SND1: variants seen among roughly 807,000 people sequenced by gnomAD.
SND1 encodes the protein staphylococcal nuclease domain-containing protein 1.
In SND1, 38 loss-of-function variants were observed where a neutral mutation model predicts 121.7. The observed-to-expected ratio is 0.31, with a 90% confidence interval of 0.24 to 0.41. The LOEUF (loss-of-function observed/expected upper bound fraction) is 0.41, where lower values mean the gene tolerates loss of function less well. Ranked by LOEUF, SND1 falls within the 10% of genes least tolerant of loss-of-function variation. SND1 has a pLI of 1.00. For synonymous variants in SND1, 401 were observed against 447.4 expected (o/e 0.90, Z 1.31); for missense variants, 868 against 1,184.6 (o/e 0.73, Z 3.92).
chr7:127,663,371 G>C (rs1795352695), intron 1 of SND1, among the ~76,000 whole-genome samples: 1 of 146,548 alleles, frequency 6.8e-6, no homozygotes, highest in Non-Finnish European at 1.5e-5. Context: ...AGGGCCTACT[G>C]TACTTCTTTT....
chr7:128,002,371 A>AAAAT, intron 16 of SND1, among the ~76,000 whole-genome samples: 1 of 152,352 alleles, frequency 6.6e-6, no homozygotes, highest in South Asian at 2.1e-4. Flanking sequence ...TCTGTGAAGT[A>AAAAT]AAATAACATA....
chr7:127,701,720 C>T (rs1269077089), intron 5 of SND1, among the ~76,000 whole-genome samples: 1 of 152,186 alleles, frequency 6.6e-6, no homozygotes, highest in East Asian at 1.9e-4. Flanking sequence ...CTATCCCGCT[C>T]TTCCTCCCGG....
At chr7:128,054,117 G>A (rs1793095749) in intron 16 of SND1, among the ~76,000 whole-genome samples, 1 of 152,240 alleles carries the variant, frequency 6.6e-6, no homozygotes, top group African/African-American at 2.4e-5. Context: ...CTGAGTGAAT[G>A]ACCTGCATGG....
chr7:128,011,630 A>G (rs1220408089), intron 16 of SND1, among the ~76,000 whole-genome samples: 2 of 152,174 alleles, frequency 1.3e-5, no homozygotes, highest in African/African-American at 4.8e-5. Flanking sequence ...TAGGAAAGCT[A>G]CTAATGCCTG....
At chr7:127,805,050 G>A (rs1349923847) in intron 10 of SND1, among the ~76,000 whole-genome samples, 1 of 152,064 alleles carries the variant, frequency 6.6e-6, no homozygotes, top group Non-Finnish European at 1.5e-5. Flanking sequence ...ATGATTGAGC[G>A]CCATCACCAA....
At chr7:127,986,837 T>C (rs950743320) in intron 15 of SND1, among the ~76,000 whole-genome samples, 1 of 152,264 alleles carries the variant, frequency 6.6e-6, no homozygotes, top group Non-Finnish European at 1.5e-5. Flanking sequence ...GGGATCTGTC[T>C]TTGTTCTGGC....
chr7:127,784,777 G>T (rs1040530761), intron 10 of SND1, among the ~76,000 whole-genome samples: 3 of 152,170 alleles, frequency 2.0e-5, no homozygotes, highest in African/African-American at 7.2e-5. Flanking sequence ...ATATAAAAAG[G>T]TTTTATTTAT....
chr7:127,902,634 G>A (rs1397844631), intron 13 of SND1, among the ~76,000 whole-genome samples: 2 of 152,164 alleles, frequency 1.3e-5, no homozygotes, highest in Non-Finnish European at 2.9e-5. Context: ...AATCGCCTTG[G>A]TTGCTGACCA....
chr7:127,984,834 C>T (rs1802348036), intron 15 of SND1, among the ~76,000 whole-genome samples: 1 of 152,150 alleles, frequency 6.6e-6, no homozygotes, highest in Admixed American at 6.5e-5. Context: ...GATCCTGGAA[C>T]CTGAGGTGAT....
At chr7:127,767,511 T>G (rs1797443493) in intron 10 of SND1, among the ~76,000 whole-genome samples, 1 of 152,244 alleles carries the variant, frequency 6.6e-6, no homozygotes, top group Non-Finnish European at 1.5e-5. Flanking sequence ...GGAGTCTGTT[T>G]TGATAATGAA....
At position 127,798,174 on chromosome 7, in the gene SND1, C is replaced by A. The variant is rs540789145; in HGVS notation, c.1153-9310C>A. 2.0e-4 allele frequency among the ~76,000 whole-genome samples: 30 copies of A among 152,282 alleles called. No individual in the cohort carries two copies. The Middle Eastern group carries it at 0.01, about 52-fold the overall frequency. ...GGTCAGGCTCTTTAAGGACATGAGG[C>A]CGCCTAAATTTGCTTTACTTCTTCC... On this transcript the variant is annotated intron_variant, in intron 10 of 23. Transcript: ENST00000354725.
intron 10 of SND1, among the ~76,000 whole-genome samples, chr7:127,734,500 C>T (rs1198714090): frequency 6.6e-6 from 1 of 152,136 alleles, no homozygotes; most frequent in Non-Finnish European, 1.5e-5. Flanking sequence ...CTCGGTAAGG[C>T]AGAGAAAAGG....
chr7:127,750,533 A>G (rs772963607), intron 10 of SND1, among the ~76,000 whole-genome samples: 8 of 152,234 alleles, frequency 5.3e-5, no homozygotes, highest in East Asian at 3.8e-4. Flanking sequence ...AATTTATTCA[A>G]TGAAACATAT....
intron 15 of SND1, among the ~76,000 whole-genome samples, chr7:127,943,684 A>T (rs1801265853): frequency 6.6e-6 from 1 of 152,166 alleles, no homozygotes; most frequent in African/African-American, 2.4e-5. Flanking sequence ...ACAGAACAGG[A>T]GGTGCCATTG....
chr7:127,981,004 A>G (rs909749881), intron 15 of SND1, among the ~76,000 whole-genome samples: 1 of 152,218 alleles, frequency 6.6e-6, no homozygotes, highest in Non-Finnish European at 1.5e-5. Context: ...ATAAAGTCCT[A>G]TTGCTTTAAA....
At chr7:127,960,188 G>A (rs1195993198) in intron 15 of SND1, among the ~76,000 whole-genome samples, 1 of 152,186 alleles carries the variant, frequency 6.6e-6, no homozygotes, top group African/African-American at 2.4e-5. Context: ...TGCTGTCACA[G>A]ACACCCTGTT....
In SND1 at chr7:128,083,336, G is replaced by A. The variant is rs148550455; in HGVS notation, c.2111-1388G>A. On this transcript the variant is annotated intron_variant, in intron 18 of 23. Coordinates refer to ENST00000354725, the MANE Select transcript of SND1 (RefSeq NM_014390.4). Reference sequence around the variant, plus strand: ...AGTTAGGGAGGAAGCTGTCTGTCAAGGCTTCTTAATCCCTGGAATTTCACT... The same window carrying A: ...AGTTAGGGAGGAAGCTGTCTGTCAAAGCTTCTTAATCCCTGGAATTTCACT... 1.6e-4 allele frequency among the ~76,000 whole-genome samples: 24 copies of A among 152,320 alleles called. No individual in the cohort carries two copies. In the East Asian group the frequency reaches 2.7e-3, roughly 17 times the overall value.
chr7:127,939,089 A>G (rs937563894), intron 15 of SND1, among the ~76,000 whole-genome samples: 17 of 152,236 alleles, frequency 1.1e-4, no homozygotes, highest in African/African-American at 4.1e-4. Context: ...TTATAAAACA[A>G]TAAGAGTAAA....
chr7:127,704,444 TTA>T (rs888532477), intron 7 of SND1, among the ~76,000 whole-genome samples: 1 of 152,192 alleles, frequency 6.6e-6, no homozygotes, highest in African/African-American at 2.4e-5. Flanking sequence ...TCTTCAGCTC[TTA>T]TGAAAGGGGG....
Sources: gnomAD v4.1 joint callset for allele counts (sites outside exome capture counted in the v4.1 genomes callset) on GRCh38, gnomAD v4.1.1 for gene constraint, MANE v1.5 for transcripts, NCBI Gene and HGNC (gene_info 2026-07-23, HGNC 2026-07-21) for gene names.